Variants in GNA14 observed in about 807,000 individuals in gnomAD.
GNA14 encodes the protein guanine nucleotide-binding protein subunit alpha-14.
Under a neutral mutation model 42.0 loss-of-function variants are expected in GNA14, and 50 were observed. The observed-to-expected ratio is 1.19, with a 90% CI of 0.95 to 1.51. The LOEUF (loss-of-function observed/expected upper bound fraction) is 1.51, where lower values mean the gene tolerates loss of function less well. Ranked by LOEUF, GNA14 falls within the 40% of genes most tolerant of loss-of-function variation. The pLI is 0.00. For missense variants in GNA14, 473 were observed against 446.2 expected, an observed-to-expected ratio of 1.06 and a Z score of -0.54; for synonymous variants, 173 against 163.1, an observed-to-expected ratio of 1.06 and a Z score of -0.46.
chr9:77,469,715 C>T (rs754543230), intron 2 of GNA14, among the ~76,000 whole-genome samples: 1 of 152,172 alleles, frequency 6.6e-6, no homozygotes, highest in Non-Finnish European at 1.5e-5. Context: ...AGCTCTGCTG[C>T]AGACCAGGTT....
At chr9:77,619,101 A>C (rs1473475728) in intron 1 of GNA14, among the ~76,000 whole-genome samples, 1 of 152,144 alleles carries the variant, frequency 6.6e-6, no homozygotes. Context: ...GAGAGATTAC[A>C]TGACTTGTTC....
chr9:77,443,232 A>C (rs554813448), intron 2 of GNA14, among the ~76,000 whole-genome samples: 1 of 152,382 alleles, frequency 6.6e-6, no homozygotes, highest in East Asian at 1.9e-4. Flanking sequence ...AAATAACTGT[A>C]GAATATATAC....
chr9:77,552,057 T>C (rs1837793244), intron 1 of GNA14, among the ~76,000 whole-genome samples: 1 of 148,576 alleles, frequency 6.7e-6, no homozygotes, highest in African/African-American at 2.5e-5. Context: ...GGAGAATCAC[T>C]TGAACCCGGG....
intron 1 of GNA14, among the ~76,000 whole-genome samples, chr9:77,531,862 G>C (rs574437479): frequency 6.6e-6 from 1 of 151,848 alleles, no homozygotes; most frequent in Non-Finnish European, 1.5e-5. Flanking sequence ...AAAAGAAAAC[G>C]TTAGAAGTGA....
At chr9:77,564,183 C>T (rs1822928364) in intron 1 of GNA14, among the ~76,000 whole-genome samples, 1 of 151,882 alleles carries the variant, frequency 6.6e-6, no homozygotes, top group African/African-American at 2.4e-5. Context: ...TTCCTTTCTC[C>T]ACATGTGGTT....
At chr9:77,512,130 T>A (rs1837181410) in intron 2 of GNA14, among the ~76,000 whole-genome samples, 1 of 150,422 alleles carries the variant, frequency 6.6e-6, no homozygotes, top group African/African-American at 2.4e-5. Context: ...CTTCCAACCA[T>A]ACAAATCCAG....
intron 1 of GNA14, among the ~76,000 whole-genome samples, chr9:77,640,147 T>C (rs1487549393): frequency 6.6e-6 from 1 of 152,230 alleles, no homozygotes; most frequent in Non-Finnish European, 1.5e-5. Flanking sequence ...TGGAAGGGGA[T>C]GGGGTCAAGT....
intron 1 of GNA14, among the ~76,000 whole-genome samples, chr9:77,557,921 A>C (rs558819013): frequency 6.6e-6 from 1 of 152,318 alleles, no homozygotes; most frequent in Non-Finnish European, 1.5e-5. Flanking sequence ...TCATTTTGCC[A>C]ACAAGTTCAG....
At chr9:77,637,081 A>G (rs1824193859) in intron 1 of GNA14, among the ~76,000 whole-genome samples, 1 of 152,180 alleles carries the variant, frequency 6.6e-6, no homozygotes, top group South Asian at 2.1e-4. Flanking sequence ...ACTTTTTGAA[A>G]CGATTCTTGC....
intron 2 of GNA14, among the ~76,000 whole-genome samples, chr9:77,440,888 GTATT>G (rs1195794221): frequency 6.6e-6 from 1 of 151,992 alleles, no homozygotes; most frequent in African/African-American, 2.4e-5. Context: ...GCTAATTTTT[GTATT>G]TTTAGTAGAG....
At chr9:77,515,888 A>T (rs1015811451) in intron 2 of GNA14, among the ~76,000 whole-genome samples, 7 of 141,588 alleles carry the variant, frequency 4.9e-5, no homozygotes, top group African/African-American at 1.8e-4. Flanking sequence ...TAAGCCTGGG[A>T]GGTCGAGGTT....
intron 1 of GNA14, among the ~76,000 whole-genome samples, chr9:77,590,060 G>T (rs559270372): frequency 6.6e-6 from 1 of 152,158 alleles, no homozygotes; most frequent in East Asian, 1.9e-4. Flanking sequence ...GGAACTACAG[G>T]TGCCTGCCAC....
rs1311103922 is a variant in GNA14, at chr9:77,640,991, A to G, written c.124+6679T>C. ...TTTGAGCACCAAAATGATTAAGAACAGTAATGAAGTAAAAAATCATTGAGG... is the reference window on the plus strand; with the variant it reads ...TTTGAGCACCAAAATGATTAAGAACGGTAATGAAGTAAAAAATCATTGAGG... On this transcript the variant is annotated intron_variant, in intron 1 of 6. Coordinates refer to ENST00000341700, the MANE Select transcript of GNA14 (RefSeq NM_004297.4). 2.7e-5 allele frequency among the ~76,000 whole-genome samples: 4 copies of G among 147,732 alleles called. No homozygotes were observed. In the East Asian group the frequency reaches 6.1e-4, roughly 23 times the overall value.
At position 77,555,327 on chromosome 9, in the gene GNA14, G is replaced by A. The variant is rs140549602; in HGVS notation, c.125-26074C>T. 1.5e-3 allele frequency among the ~76,000 whole-genome samples: 221 copies of A among 152,200 alleles called. No individual in the cohort carries two copies. In the East Asian group the frequency reaches 0.027, roughly 19 times the overall value. The stretch of plus-strand genomic sequence containing the variant: ...TCAAAACCAGCCTGACCAACATGGC[G>A]AAACTCGGTCTCTACCAAAAGTACA... On this transcript the variant is annotated intron_variant, in intron 1 of 6. Coordinates refer to ENST00000341700, the MANE Select transcript of GNA14 (RefSeq NM_004297.4).
intron 1 of GNA14, among the ~76,000 whole-genome samples, chr9:77,608,948 C>A (rs960126495): frequency 2.6e-5 from 4 of 152,122 alleles, no homozygotes; most frequent in African/African-American, 9.7e-5. Flanking sequence ...CACATCCATA[C>A]TATCTCCTTA....
At chr9:77,477,693 G>A (rs1836455312) in intron 2 of GNA14, among the ~76,000 whole-genome samples, 1 of 152,124 alleles carries the variant, frequency 6.6e-6, no homozygotes. Context: ...AGAAAATGAA[G>A]CTATTTGAGG....
intron 1 of GNA14, among the ~76,000 whole-genome samples, chr9:77,636,667 G>T (rs1824188769): frequency 6.6e-6 from 1 of 152,050 alleles, no homozygotes; most frequent in Non-Finnish European, 1.5e-5. Context: ...AGGTGGGGAA[G>T]TGCCAGGCTC....
At chr9:77,449,499 T>A (rs12338093) in intron 2 of GNA14, among the ~76,000 whole-genome samples, 8,955 of 152,298 alleles carry the variant, frequency 0.059, 358 homozygotes, top group African/African-American at 0.11. Context: ...ATCGTATTGT[T>A]TGTTTTTACA....
At chr9:77,478,382 A>G (rs927175142) in intron 2 of GNA14, among the ~76,000 whole-genome samples, 1 of 152,172 alleles carries the variant, frequency 6.6e-6, no homozygotes, top group Admixed American at 6.6e-5. Context: ...GCTGCATAGT[A>G]TTCCATGGAG....
Sources: allele counts gnomAD v4.1 joint callset (sites outside exome capture counted in the v4.1 genomes callset), GRCh38; gene constraint gnomAD v4.1.1; transcripts MANE v1.5; gene names NCBI Gene and HGNC (gene_info 2026-07-23, HGNC 2026-07-21).